Variants in HLCS observed in about 807,000 individuals in gnomAD.
HLCS encodes biotin--protein ligase.
HLCS carries 53 observed loss-of-function variants against 75.0 expected under a neutral mutation model. The observed-to-expected ratio is 0.71, with a 90% CI of 0.57 to 0.89. HLCS has a LOEUF of 0.89. Ranked by LOEUF, HLCS falls within the 40% of genes least tolerant of loss-of-function variation. The pLI, the probability that HLCS is intolerant of heterozygous loss-of-function variation, is 0.00. For synonymous variants in HLCS, 431 were observed against 428.6 expected (o/e 1.01, Z -0.07); for missense variants, 966 against 1,074.0 (o/e 0.90, Z 1.41).
At chr21:36,989,746 G>C (rs1040691073) in intron 1 of HLCS, among the ~76,000 whole-genome samples, 1 of 152,156 alleles carries the variant, frequency 6.6e-6, no homozygotes. Flanking sequence ...GCTTTTTAGC[G>C]GCGAGTAGGC....
At chr21:36,808,649 T>C (rs1354989667) in intron 6 of HLCS, among the ~76,000 whole-genome samples, 2 of 152,180 alleles carry the variant, frequency 1.3e-5, no homozygotes, top group African/African-American at 4.8e-5. Context: ...AATTTTTGCT[T>C]AAAATTCTTA....
rs976990206 is a variant in HLCS at position 36,750,141 on chromosome 21, C to G, written c.*4105G>C. ...ATCTTGAAGAGTCTGCACATTTAAGCTGGGGATAGCGTTTCTTGACTTCTG... is the reference window on the plus strand; with the variant it reads ...ATCTTGAAGAGTCTGCACATTTAAGGTGGGGATAGCGTTTCTTGACTTCTG... On this transcript the variant is annotated 3_prime_UTR_variant, in exon 11 of 11. Coordinates refer to ENST00000674895, the MANE Select transcript of HLCS (RefSeq NM_001352514.2). 3.9e-5 allele frequency among the ~76,000 whole-genome samples: 6 copies of G among 152,140 alleles called. No homozygotes were observed. The highest frequency in any genetic ancestry group is 1.4e-4 in the African/African-American group (6 of 41,440).
At chr21:36,820,365 CCA>C (rs1569056574) in intron 6 of HLCS, among the ~76,000 whole-genome samples, 4 of 151,730 alleles carry the variant, frequency 2.6e-5, no homozygotes, top group African/African-American at 9.8e-5. Context: ...TGCTGCCCAG[CCA>C]CGGCCGGGCC....
At chr21:36,850,706 G>C (rs1438830534) in intron 6 of HLCS, among the ~76,000 whole-genome samples, 1 of 152,180 alleles carries the variant, frequency 6.6e-6, no homozygotes, top group Non-Finnish European at 1.5e-5. Context: ...TAAGATTCTG[G>C]GGTCGGGGGA....
chr21:36,872,390 CAA>C (rs374943958), intron 6 of HLCS, among the ~76,000 whole-genome samples: 11 of 85,406 alleles, frequency 1.3e-4, no homozygotes, highest in Non-Finnish European at 8.2e-5. Context: ...GCCTCTGTCT[CAA>C]AAAAAAAAAA....
chr21:36,888,441 AAAAAATATATATATATATAT>A (rs1374973107), intron 6 of HLCS, among the ~76,000 whole-genome samples: 14 of 31,530 alleles, frequency 4.4e-4, no homozygotes, highest in South Asian at 1.5e-3. Flanking sequence ...TTAAAAAAAA[AAAAAATATATATATATATAT>A]ATATATATAT....
chr21:36,936,077 C>T (rs2066866205), intron 4 of HLCS, among the ~76,000 whole-genome samples: 1 of 152,260 alleles, frequency 6.6e-6, no homozygotes, highest in Middle Eastern at 3.4e-3. Flanking sequence ...TAAATAAAGA[C>T]TCAATTATAT....
At chr21:36,810,840 C>T (rs899759388) in intron 6 of HLCS, among the ~76,000 whole-genome samples, 8 of 152,062 alleles carry the variant, frequency 5.3e-5, no homozygotes, top group Admixed American at 3.9e-4. Context: ...CCTTATTATG[C>T]CAGAGAGTGA....
intron 6 of HLCS, among the ~76,000 whole-genome samples, chr21:36,808,325 A>G (rs1025267682): frequency 6.6e-6 from 1 of 152,200 alleles, no homozygotes; most frequent in Admixed American, 6.5e-5. Context: ...AATTTTAAAA[A>G]ACTATTTCCT....
intron 6 of HLCS, among the ~76,000 whole-genome samples, chr21:36,861,326 T>C (rs2063374948): frequency 6.6e-6 from 1 of 152,194 alleles, no homozygotes; most frequent in Non-Finnish European, 1.5e-5. Flanking sequence ...TCCGTCAAGC[T>C]CTCAGGTGCT....
intron 6 of HLCS, among the ~76,000 whole-genome samples, chr21:36,827,746 C>G (rs546607659): frequency 6.6e-6 from 1 of 151,664 alleles, no homozygotes; most frequent in Non-Finnish European, 1.5e-5. Context: ...TAGGGATTTT[C>G]TTTAAATTAT....
At chr21:36,951,138 G>A (rs1310558193) in intron 2 of HLCS, among the ~76,000 whole-genome samples, 3 of 152,162 alleles carry the variant, frequency 2.0e-5, no homozygotes, top group Non-Finnish European at 2.9e-5. Flanking sequence ...AATGTGATTC[G>A]AGCGTCTTAA....
At chr21:36,948,510 G>A (rs60634357) in intron 2 of HLCS, among the ~76,000 whole-genome samples, 5,895 of 151,452 alleles carry the variant, frequency 0.039, 243 homozygotes, top group African/African-American at 0.11. Context: ...AGGAAGGATC[G>A]CTTAAGCCCA....
chr21:36,905,085 C>T (rs573231592), intron 5 of HLCS, among the ~76,000 whole-genome samples: 12 of 152,326 alleles, frequency 7.9e-5, no homozygotes, highest in African/African-American at 2.9e-4. Flanking sequence ...CTTTATAGCA[C>T]TTATCACGAC....
intron 1 of HLCS, among the ~76,000 whole-genome samples, chr21:36,977,007 CCTGGTA>C (rs2068955965): frequency 6.6e-6 from 1 of 151,908 alleles, no homozygotes; most frequent in Non-Finnish European, 1.5e-5. Flanking sequence ...CCTTCATATC[CCTGGTA>C]TTTAGCATTG....
Position 36,754,364 on chromosome 21 carries a change from C to CCAA in HLCS, c.2501_2503dup (p.Val834dup), listed in dbSNP as rs773191073. 9.9e-6 allele frequency: 16 copies of CCAA among 1,613,834 alleles called. No individual in the cohort carries two copies. The Admixed American group carries it at 1.3e-4, about 13-fold the overall frequency. ...CTGGAGGAAGCCAGAATCGTCCAGG[C>CCAA]CAACGATGGACACCTTTGGTCCCTC... is the stretch of plus-strand genomic sequence containing the variant. On this transcript the variant is annotated inframe_insertion, in exon 11 of 11. Transcript: ENST00000674895.
At position 36,948,530 on chromosome 21, in the gene HLCS, G is replaced by A. The variant is rs143574792; in HGVS notation, c.331-9536C>T. On this transcript the variant is annotated intron_variant, in intron 2 of 10. Coordinates refer to ENST00000674895, the MANE Select transcript of HLCS (RefSeq NM_001352514.2). ...GGATCGCTTAAGCCCAGGAGTTCAA[G>A]ACCAGCCTGGGCAACAAGGTGAAAC... Among the ~76,000 whole-genome samples, 1,011 of 151,578 alleles carry A rather than the reference G, an allele frequency of 6.7e-3. 12 individuals carry two copies. Among genetic ancestry groups the A allele is most frequent in the African/African-American group, 0.023 (937 of 41,134 alleles).
Position 36,989,314 on chromosome 21 carries a change from C to CTTTTTT in HLCS, c.-393+838_-393+843dup, listed in dbSNP as rs35073331. Among the ~76,000 whole-genome samples, 17 of 80,014 alleles carry CTTTTTT rather than the reference C, an allele frequency of 2.1e-4. No individual in the cohort carries two copies. The East Asian group carries it at 2.2e-3, about 10-fold the overall frequency. 52.5% of individuals were successfully genotyped at this position (80,014 alleles called of 152,430 possible). ...GCGTGAGCCACAGTGTCTGGCCCAT[C>CTTTTTT]TTTTTTTTTTTTTTTTTTTTTTTTA... On this transcript the variant is annotated intron_variant, in intron 1 of 11. Transcript: ENST00000336648.
chr21:36,756,267 C>A (rs186604557), intron 10 of HLCS, among the ~76,000 whole-genome samples: 1 of 151,532 alleles, frequency 6.6e-6, no homozygotes, highest in South Asian at 2.1e-4. Flanking sequence ...TGAAACCCCA[C>A]CTCCACTAAA....
Sources: allele counts gnomAD v4.1 joint callset (sites outside exome capture counted in the v4.1 genomes callset), GRCh38; gene constraint gnomAD v4.1.1; transcripts MANE v1.5; gene names NCBI Gene and HGNC (gene_info 2026-07-23, HGNC 2026-07-21).